Variants in RAB7B observed in about 807,000 individuals in gnomAD.
The protein encoded by RAB7B is RAB7B, member RAS oncogene family, also known as ras-related protein Rab-7b.
At chr1:206,000,816 AC>A (rs1660879472) in intron 1 of RAB7B, among the ~76,000 whole-genome samples, 1 of 152,166 alleles carries the variant, frequency 6.6e-6, no homozygotes, top group South Asian at 2.1e-4. Flanking sequence ...TATGCCAAGC[AC>A]CACCCTGTGC....
chr1:205,996,025 T>C (rs1268744675), intron 1 of RAB7B, among the ~76,000 whole-genome samples: 1 of 152,152 alleles, frequency 6.6e-6, no homozygotes, highest in Non-Finnish European at 1.5e-5. Context: ...AAAATGTAAG[T>C]TATTCTGGTT....
intron 4 of RAB7B, among the ~76,000 whole-genome samples, chr1:205,986,911 C>T (rs1229511543): frequency 6.6e-6 from 1 of 152,140 alleles, no homozygotes; most frequent in Non-Finnish European, 1.5e-5. Context: ...GTGGCTCCTG[C>T]AGGTCCTGGG....
At chr1:205,994,326 T>G (rs1486565570) in intron 1 of RAB7B, 175 bp from the exon 2 acceptor site, 1 of 369,606 alleles carries the variant, frequency 2.7e-6, no homozygotes, top group Non-Finnish European at 4.8e-6. Context: ...ATCTTCTCCC[T>G]CACTTTCCCT....
chr1:205,993,935 A>T (rs900522458), intron 2 of RAB7B, 148 bp downstream of exon 2: 6 of 395,972 alleles, frequency 1.5e-5, no homozygotes, highest in Middle Eastern at 6.3e-4. Flanking sequence ...CTTTGTCCCA[A>T]CTAAGCTTCT....
intron 1 of RAB7B, chr1:205,994,422 A>G: frequency 4.1e-6 from 1 of 245,422 alleles, no homozygotes; most frequent in Non-Finnish European, 7.8e-6. Context: ...CTGCTCTTGG[A>G]GGCAGCCTGG....
At chr1:205,993,875 CAG>C (rs1358421127) in intron 2 of RAB7B, among the ~76,000 whole-genome samples, 3 of 152,194 alleles carry the variant, frequency 2.0e-5, no homozygotes, top group Non-Finnish European at 4.4e-5. Context: ...CTGGTTACTG[CAG>C]AGTCACTGCA....
intron 1 of RAB7B, among the ~76,000 whole-genome samples, chr1:205,995,320 A>C (rs1307738644): frequency 1.3e-5 from 2 of 152,192 alleles, no homozygotes; most frequent in African/African-American, 4.8e-5. Context: ...CCAACACTTA[A>C]ATGAGTTCCC....
chr1:206,002,425 G>A (rs2102257954), intron 1 of RAB7B, among the ~76,000 whole-genome samples: 1 of 152,302 alleles, frequency 6.6e-6, no homozygotes, highest in East Asian at 1.9e-4. Context: ...CCAATGCTGG[G>A]ATTCTAGAGG....
intron 4 of RAB7B, among the ~76,000 whole-genome samples, chr1:205,989,621 AC>A (rs1443721921): frequency 6.7e-6 from 1 of 149,388 alleles, no homozygotes; most frequent in Non-Finnish European, 1.5e-5. Context: ...CTTTCCCTCA[AC>A]CCCCTCAGGC....
intron 3 of RAB7B, 60 bp downstream of exon 3, chr1:205,993,360 C>T (rs949730013): frequency 5.0e-5 from 20 of 397,398 alleles, no homozygotes; most frequent in Admixed American, 1.3e-4. Flanking sequence ...AGTGGCTGTC[C>T]GGGCTTGGGG....
At chr1:205,996,180 GTGTT>G (rs1355379778) in intron 1 of RAB7B, among the ~76,000 whole-genome samples, 1 of 125,666 alleles carries the variant, frequency 8.0e-6, no homozygotes, top group Non-Finnish European at 1.7e-5. Context: ...GTGTGTGTGT[GTGTT>G]TAACAAGGTA....
chr1:205,990,204 C>T (rs1003219005), intron 4 of RAB7B, among the ~76,000 whole-genome samples: 8 of 152,222 alleles, frequency 5.3e-5, no homozygotes, highest in Admixed American at 2.0e-4. Context: ...AATCCCACAG[C>T]GTGGATATAA....
At chr1:206,002,634 T>C (rs1660909133) in intron 1 of RAB7B, among the ~76,000 whole-genome samples, 1 of 152,136 alleles carries the variant, frequency 6.6e-6, no homozygotes, top group Non-Finnish European at 1.5e-5. Context: ...ACCTAGCAAT[T>C]ATAGAGCACT....
chr1:205,985,764 C>CCCACCAACCCCACCAGGCCCACCAGG (rs1660586150), intron 4 of RAB7B, 99 bp from the exon 5 acceptor site: 1 of 131,506 alleles, frequency 7.6e-6, no homozygotes, highest in Non-Finnish European at 1.2e-5. Flanking sequence ...GGCCCACCAT[C>CCCACCAACCCCACCAGGCCCACCAGG]CCCACCATCC....
At chr1:205,988,678 A>G (rs1324427814) in intron 4 of RAB7B, among the ~76,000 whole-genome samples, 3 of 152,162 alleles carry the variant, frequency 2.0e-5, no homozygotes, top group Admixed American at 1.3e-4. Flanking sequence ...CCTTCCTATT[A>G]TTACTCAGTC....
Position 205,977,461 on chromosome 1 carries a change from T to C in RAB7B, c.*1390A>G, listed in dbSNP as rs1660402579. 1 of 152,182 alleles carries C rather than the reference T, an allele frequency of 6.6e-6. No individual in the cohort carries two copies. Among genetic ancestry groups the C allele is most frequent in the Non-Finnish European group, 1.5e-5 (1 of 68,032 alleles). 9.4% of individuals were successfully genotyped at this position (152,182 alleles called of 1,614,324 possible). On this transcript the variant is annotated 3_prime_UTR_variant, in exon 6 of 6. Coordinates refer to ENST00000617070, the MANE Select transcript of RAB7B (RefSeq NM_001164522.3). ...CTTACAAATCCCAAAGGGCTAAACA[T>C]GCCTCCAAGCCCATGAACAAGCTTT... is the stretch of plus-strand genomic sequence containing the variant.
intron 1 of RAB7B, among the ~76,000 whole-genome samples, chr1:205,999,565 T>C (rs1281001752): frequency 1.3e-5 from 2 of 152,158 alleles, no homozygotes; most frequent in South Asian, 2.1e-4. Context: ...AATTGGACAA[T>C]ATCAAAACGT....
intron 1 of RAB7B, among the ~76,000 whole-genome samples, chr1:206,000,012 G>T (rs920751940): frequency 2.0e-5 from 3 of 152,202 alleles, no homozygotes; most frequent in Non-Finnish European, 2.9e-5. Context: ...GGCTTCAAGT[G>T]ATCCTCCCAC....
rs1468633171 is a variant in RAB7B, at chr1:205,993,524, G to A, written c.76C>T (p.His26Tyr). The A allele has an allele frequency of 2.5e-6, 1 of 398,472 alleles. No individual in the cohort carries two copies. Among genetic ancestry groups the A allele is most frequent in the Non-Finnish European group, 4.4e-6 (1 of 226,070 alleles). The allele number at this position is 398,472 out of a possible 1,614,324, so 24.7% of individuals were successfully genotyped here. Residue 26 changes from histidine to tyrosine, a missense_variant, in exon 3 of 6, where the codon CAC becomes TAC. His to Tyr is a moderately conservative substitution (Grantham distance 83). Coordinates refer to ENST00000617070, the MANE Select transcript of RAB7B (RefSeq NM_001164522.3). ...AIGVGKTSLLHQYVHKTFYEE... is the reference protein window; with the variant it reads ...AIGVGKTSLLYQYVHKTFYEE... ...TAAAACGTCTTGTGCACATATTGGT[G>A]AAGGAGGGAGGTCTTTCCCACACTG...
Sources: allele counts gnomAD v4.1 joint callset (sites outside exome capture counted in the v4.1 genomes callset), GRCh38; gene constraint gnomAD v4.1.1; transcripts MANE v1.5; gene names NCBI Gene and HGNC (gene_info 2026-07-23, HGNC 2026-07-21).